DLGAP2: variants seen among roughly 807,000 people sequenced by gnomAD.
DLGAP2 encodes disks large-associated protein 2.
A neutral mutation model predicts 100.3 loss-of-function variants in DLGAP2; 26 were observed. The ratio of observed to expected loss-of-function variants is 0.26; its 90% CI spans 0.19 to 0.36. The LOEUF (loss-of-function observed/expected upper bound fraction) is 0.36, where lower values mean the gene tolerates loss of function less well. Ranked by LOEUF, DLGAP2 falls within the 10% of genes least tolerant of loss-of-function variation. DLGAP2 has a pLI of 1.00. For missense variants in DLGAP2, 1,858 were observed against 1,453.2 expected, an observed-to-expected ratio of 1.28 and a Z score of -4.53; for synonymous variants, 886 against 630.1, an observed-to-expected ratio of 1.41 and a Z score of -6.08.
intron 2 of DLGAP2, among the ~76,000 whole-genome samples, chr8:930,606 G>A (rs1015698597): frequency 6.6e-5 from 10 of 152,238 alleles, no homozygotes; most frequent in African/African-American, 2.4e-4. Context: ...ATGCAGAGAG[G>A]GCAGGTGCGT....
chr8:835,407 C>T (rs967713622), intron 1 of DLGAP2, among the ~76,000 whole-genome samples: 3 of 151,926 alleles, frequency 2.0e-5, no homozygotes, highest in East Asian at 3.9e-4. Context: ...GTGACGACAT[C>T]GCTCCCAGGC....
intron 3 of DLGAP2, among the ~76,000 whole-genome samples, chr8:1,473,758 T>G (rs1049628029): frequency 6.6e-6 from 1 of 152,192 alleles, no homozygotes; most frequent in African/African-American, 2.4e-5. Flanking sequence ...TCCATACTGT[T>G]CTCATGGTAG....
chr8:1,122,885 A>G (rs1796082331), intron 2 of DLGAP2, among the ~76,000 whole-genome samples: 1 of 152,114 alleles, frequency 6.6e-6, no homozygotes. Context: ...TTAGGCTCTA[A>G]ATGGAATCAT....
intron 6 of DLGAP2, among the ~76,000 whole-genome samples, chr8:1,607,611 C>T (rs1351242218): frequency 7.5e-6 from 1 of 133,888 alleles, no homozygotes; most frequent in Admixed American, 7.8e-5. Flanking sequence ...GTGATTTCTG[C>T]ATTTCCATCT....
At chr8:1,627,054 T>C (rs1797524258) in intron 7 of DLGAP2, among the ~76,000 whole-genome samples, 167 bp downstream of exon 7, 1 of 152,272 alleles carries the variant, frequency 6.6e-6, no homozygotes, top group African/African-American at 2.4e-5. Flanking sequence ...CTGATTAGAC[T>C]CGTGGACTTA....
intron 2 of DLGAP2, among the ~76,000 whole-genome samples, chr8:1,177,204 C>G (rs772568141): frequency 6.6e-6 from 1 of 152,152 alleles, no homozygotes; most frequent in African/African-American, 2.4e-5. Flanking sequence ...TCTTTTCTTG[C>G]AGTTCAGCTA....
Position 1,593,078 on chromosome 8 carries a change from G to T in DLGAP2, c.1442+27184G>T, listed in dbSNP as rs188356597. On this transcript the variant is annotated intron_variant, in intron 6 of 14. Coordinates refer to ENST00000637795, the MANE Select transcript of DLGAP2 (RefSeq NM_001346810.2). ...TGGGGAGTGATTTCAACAAGATAAT[G>T]GAGTAGGAAGGTCTGGGCCCTCCTT... Among the ~76,000 whole-genome samples the T allele has an allele frequency of 1.7e-3, 264 of 152,234 alleles. 1 individual carries two copies. Among genetic ancestry groups the T allele is most frequent in the African/African-American group, 6.1e-3 (254 of 41,546 alleles).
rs868358868 is a variant in DLGAP2, at chr8:1,095,616, G to A, written c.74-163235G>A. On this transcript the variant is annotated intron_variant, in intron 2 of 14. Transcript: ENST00000637795. ...CTTCAAAGTAAACCATTTTCCGAGT[G>A]CTGGGCGCACAGCCAGGACACACAG... Among the ~76,000 whole-genome samples the A allele has an allele frequency of 5.0e-4, 76 of 152,308 alleles. No individual in the cohort carries two copies. The Middle Eastern group carries it at 0.02, about 41-fold the overall frequency.
rs189771764 is a variant in DLGAP2 at position 889,879 on chromosome 8, C to T, written c.19-18033C>T. 2.9e-4 allele frequency among the ~76,000 whole-genome samples: 44 copies of T among 152,342 alleles called. 1 individual carries two copies. The highest frequency in any genetic ancestry group is 1.0e-3 in the African/African-American group (42 of 41,582). ...CGTTCCGGGGCTGGAACTGTAGGCCCCAGTGGCGTGAGTTTGCAAGTGGGA... is the reference window on the plus strand; with the variant it reads ...CGTTCCGGGGCTGGAACTGTAGGCCTCAGTGGCGTGAGTTTGCAAGTGGGA... On this transcript the variant is annotated intron_variant, in intron 1 of 14. Transcript: ENST00000637795.
At chr8:830,894 CTTTTT>C (rs5888818) in intron 1 of DLGAP2, among the ~76,000 whole-genome samples, 6 of 110,640 alleles carry the variant, frequency 5.4e-5, no homozygotes, top group African/African-American at 6.7e-5. Flanking sequence ...TCAGCTGTGA[CTTTTT>C]TTTTTTTTTT....
At chr8:860,671 G>A (rs2128989814) in intron 1 of DLGAP2, among the ~76,000 whole-genome samples, 1 of 152,290 alleles carries the variant, frequency 6.6e-6, no homozygotes, top group Non-Finnish European at 1.5e-5. Flanking sequence ...GGCAAAAAAT[G>A]TAAAGATGAT....
chr8:774,825 G>A (rs1324409201), intron 1 of DLGAP2, among the ~76,000 whole-genome samples: 3 of 145,054 alleles, frequency 2.1e-5, no homozygotes, highest in Admixed American at 7.0e-5. Context: ...TTGACTTGGC[G>A]ATGCGGGCTC....
intron 2 of DLGAP2, among the ~76,000 whole-genome samples, chr8:1,075,031 G>A (rs1018309402): frequency 2.0e-5 from 3 of 151,542 alleles, no homozygotes; most frequent in African/African-American, 4.9e-5. Flanking sequence ...GGGGGATGGC[G>A]ACTACATCTC....
At chr8:1,030,093 T>C (rs1801931535) in intron 2 of DLGAP2, among the ~76,000 whole-genome samples, 1 of 152,148 alleles carries the variant, frequency 6.6e-6, no homozygotes, top group Admixed American at 6.5e-5. Context: ...ACTTTGTAAA[T>C]CTTAAAATAC....
intron 3 of DLGAP2, among the ~76,000 whole-genome samples, chr8:1,286,356 G>A (rs1479418845): frequency 2.6e-5 from 4 of 152,204 alleles, no homozygotes; most frequent in African/African-American, 9.6e-5. Flanking sequence ...TTATAGCAGT[G>A]TGACAGCCGA....
rs182375021 is a variant in DLGAP2 at position 1,185,572 on chromosome 8, A to T, written c.74-73279A>T. ...CAAAACATCCTAACATCCACTAGTCATTTATTGACTCGCTAATTCCATCAT... is the reference window on the plus strand; with the variant it reads ...CAAAACATCCTAACATCCACTAGTCTTTTATTGACTCGCTAATTCCATCAT... On this transcript the variant is annotated intron_variant, in intron 2 of 14. Coordinates refer to ENST00000637795, the MANE Select transcript of DLGAP2 (RefSeq NM_001346810.2). 1.9e-3 allele frequency among the ~76,000 whole-genome samples: 290 copies of T among 152,314 alleles called. 3 individuals are homozygous for T. Among genetic ancestry groups the T allele is most frequent in the South Asian group, 2.1e-3 (10 of 4,820 alleles).
chr8:1,484,528 G>T (rs749330859), intron 3 of DLGAP2, among the ~76,000 whole-genome samples: 2 of 152,204 alleles, frequency 1.3e-5, no homozygotes, highest in Non-Finnish European at 2.9e-5. Flanking sequence ...TGATCACGAC[G>T]GCTGAGGCCT....
intron 5 of DLGAP2, among the ~76,000 whole-genome samples, chr8:1,551,264 G>A (rs1160247545): frequency 6.6e-6 from 1 of 152,244 alleles, no homozygotes; most frequent in Non-Finnish European, 1.5e-5. Flanking sequence ...CTTGTTTAGA[G>A]AAGCCTGGTA....
At chr8:1,553,930 A>T (rs1364795356) in intron 5 of DLGAP2, among the ~76,000 whole-genome samples, 1 of 152,188 alleles carries the variant, frequency 6.6e-6, no homozygotes, top group Non-Finnish European at 1.5e-5. Flanking sequence ...TAGAAAAATC[A>T]TCCATCTTTT....
Sources: gnomAD v4.1 joint callset for allele counts (sites outside exome capture counted in the v4.1 genomes callset) on GRCh38, gnomAD v4.1.1 for gene constraint, MANE v1.5 for transcripts, NCBI Gene and HGNC (gene_info 2026-07-23, HGNC 2026-07-21) for gene names.